Variants in BBX observed in about 807,000 individuals in gnomAD.
BBX encodes BBX high mobility group box domain containing, also known as HMG box transcription factor BBX.
A neutral mutation model predicts 100.2 loss-of-function variants in BBX; 30 were observed. The ratio of observed to expected loss-of-function variants is 0.30; its 90% CI spans 0.22 to 0.41. The LOEUF (loss-of-function observed/expected upper bound fraction) is 0.41, where lower values mean the gene tolerates loss of function less well. Among genes scored for constraint, BBX ranks in the 10% least tolerant of loss-of-function variants. The pLI is 1.00. For synonymous variants in BBX, 376 were observed against 388.1 expected, an observed-to-expected ratio of 0.97 and a Z score of 0.37; for missense variants, 1,023 against 1,129.8, an observed-to-expected ratio of 0.91 and a Z score of 1.35.
At chr3:107,698,103 C>G (rs1168544733) in intron 3 of BBX, among the ~76,000 whole-genome samples, 1 of 151,720 alleles carries the variant, frequency 6.6e-6, no homozygotes, top group Non-Finnish European at 1.5e-5. Flanking sequence ...GAATGGCACT[C>G]CCTAGTGAGA....
chr3:107,780,730 T>C (rs986977536), intron 13 of BBX, among the ~76,000 whole-genome samples: 2 of 152,180 alleles, frequency 1.3e-5, no homozygotes, highest in Admixed American at 6.5e-5. Context: ...TTGTGACTGA[T>C]TGTAATTTGG....
At chr3:107,531,467 T>G (rs1458629661) in intron 2 of BBX, among the ~76,000 whole-genome samples, 1 of 152,178 alleles carries the variant, frequency 6.6e-6, no homozygotes, top group East Asian at 1.9e-4. Context: ...CAGTAATGAA[T>G]GTAGGACCCT....
At chr3:107,567,691 G>C (rs919730219) in intron 2 of BBX, among the ~76,000 whole-genome samples, 3 of 152,092 alleles carry the variant, frequency 2.0e-5, no homozygotes, top group Non-Finnish European at 4.4e-5. Context: ...TGGTTAGTCT[G>C]AACGTAACTC....
At chr3:107,659,521 C>A in intron 3 of BBX, 1 of 234,566 alleles carries the variant, frequency 4.3e-6, no homozygotes, top group Non-Finnish European at 8.6e-6. Context: ...AAAATATAAC[C>A]CATTACTTAG....
intron 2 of BBX, among the ~76,000 whole-genome samples, chr3:107,577,402 G>A (rs541468549): frequency 3.3e-5 from 5 of 152,234 alleles, no homozygotes; most frequent in African/African-American, 9.6e-5. Flanking sequence ...GGAAAACATG[G>A]CGGGAATGGA....
intron 10 of BBX, among the ~76,000 whole-genome samples, chr3:107,766,530 C>CA (rs1270308184): frequency 6.6e-6 from 1 of 151,348 alleles, no homozygotes; most frequent in Non-Finnish European, 1.5e-5. Context: ...CTTTTGTCGC[C>CA]AAAAAAGCAA....
intron 2 of BBX, among the ~76,000 whole-genome samples, chr3:107,624,438 G>A (rs1462480357): frequency 1.3e-5 from 2 of 151,786 alleles, no homozygotes; most frequent in African/African-American, 4.8e-5. Context: ...AAGCTTAAAA[G>A]CAAAAAATAT....
chr3:107,660,278 G>GACTTTATCCTTA (rs2058376725), intron 3 of BBX, among the ~76,000 whole-genome samples: 1 of 151,916 alleles, frequency 6.6e-6, no homozygotes, highest in African/African-American at 2.4e-5. Context: ...CAAATAAATT[G>GACTTTATCCTTA]CATAAAGATG....
intron 3 of BBX, among the ~76,000 whole-genome samples, chr3:107,706,392 G>C (rs1257339660): frequency 6.6e-6 from 1 of 152,006 alleles, no homozygotes; most frequent in East Asian, 1.9e-4. Flanking sequence ...ATTGAATTCA[G>C]TACAATGAAT....
At chr3:107,585,933 C>G (rs1217605414) in intron 2 of BBX, among the ~76,000 whole-genome samples, 1 of 152,162 alleles carries the variant, frequency 6.6e-6, no homozygotes, top group Non-Finnish European at 1.5e-5. Flanking sequence ...TTTCACTTGG[C>G]TATTACTCTT....
chr3:107,575,512 C>A (rs148143867), intron 2 of BBX, among the ~76,000 whole-genome samples: 1 of 152,178 alleles, frequency 6.6e-6, no homozygotes, highest in Non-Finnish European at 1.5e-5. Flanking sequence ...ACCTTTGTTG[C>A]CTACACTGAT....
chr3:107,593,441 C>A (rs1397262326), intron 2 of BBX, among the ~76,000 whole-genome samples: 1 of 152,212 alleles, frequency 6.6e-6, no homozygotes, highest in Admixed American at 6.5e-5. Context: ...AGGAGATAGG[C>A]TTCTAGAGTA....
At chr3:107,523,595 C>T (rs929088368) in intron 1 of BBX, 18 of 152,460 alleles carry the variant, frequency 1.2e-4, no homozygotes, top group African/African-American at 4.3e-4. Context: ...ACAGAGCCCT[C>T]ACGCCGGCGG....
At chr3:107,570,011 G>T (rs2051225725) in intron 2 of BBX, among the ~76,000 whole-genome samples, 1 of 152,196 alleles carries the variant, frequency 6.6e-6, no homozygotes, top group African/African-American at 2.4e-5. Context: ...CTGATTTCCA[G>T]TGGGGTCCCG....
At chr3:107,624,258 CT>C (rs2107701062) in intron 2 of BBX, among the ~76,000 whole-genome samples, 1 of 152,240 alleles carries the variant, frequency 6.6e-6, no homozygotes, top group Admixed American at 6.5e-5. Flanking sequence ...ATAGTAAGTG[CT>C]TTTTATCCAT....
chr3:107,551,912 G>A (rs2049715335), intron 2 of BBX, among the ~76,000 whole-genome samples: 1 of 152,160 alleles, frequency 6.6e-6, no homozygotes, highest in South Asian at 2.1e-4. Flanking sequence ...CATGTAAGAG[G>A]CTGAAGAAAG....
At chr3:107,612,791 A>AT (rs1428149334) in intron 2 of BBX, among the ~76,000 whole-genome samples, 10 of 152,218 alleles carry the variant, frequency 6.6e-5, no homozygotes, top group African/African-American at 2.4e-4. Flanking sequence ...CACAGTCAGC[A>AT]GATAGTCAAG....
chr3:107,796,036 G>A (rs1317338996), intron 15 of BBX, among the ~76,000 whole-genome samples: 1 of 152,108 alleles, frequency 6.6e-6, no homozygotes, highest in Non-Finnish European at 1.5e-5. Flanking sequence ...GATCTCTGAT[G>A]GTAGCCTATG....
At chr3:107,606,487 C>G (rs1559866238) in intron 2 of BBX, among the ~76,000 whole-genome samples, 1 of 152,198 alleles carries the variant, frequency 6.6e-6, no homozygotes, top group Admixed American at 6.5e-5. Context: ...AGGCTGGCAT[C>G]ATATCATAAT....
Sources: allele counts gnomAD v4.1 joint callset (sites outside exome capture counted in the v4.1 genomes callset), GRCh38; gene constraint gnomAD v4.1.1; transcripts MANE v1.5; gene names NCBI Gene and HGNC (gene_info 2026-07-23, HGNC 2026-07-21).